The following TRA2A variants were observed in gnomAD, a reference collection of about 807,000 sequenced individuals.
TRA2A encodes transformer 2 alpha homolog.
Under a neutral mutation model 45.7 loss-of-function variants are expected in TRA2A, and 31 were observed. The observed-to-expected ratio is 0.68, with a 90% CI of 0.51 to 0.92. TRA2A has a LOEUF of 0.92. Among genes scored for constraint, TRA2A ranks in the 40% least tolerant of loss-of-function variants. TRA2A has a pLI of 0.00. For synonymous variants in TRA2A, 132 were observed against 126.2 expected, an observed-to-expected ratio of 1.05 and a Z score of -0.31; for missense variants, 304 against 367.5, an observed-to-expected ratio of 0.83 and a Z score of 1.41.
At chr7:23,531,596 G>A in intron 1 of TRA2A, 193 bp downstream of exon 1, 2 of 619,714 alleles carry the variant, frequency 3.2e-6, no homozygotes, top group South Asian at 2.0e-5. Context: ...AAAAAAGGGG[G>A]AGGGGTGTTA....
intron 3 of TRA2A, among the ~76,000 whole-genome samples, chr7:23,514,155 C>T (rs557161242): frequency 2.6e-5 from 4 of 151,508 alleles, no homozygotes; most frequent in African/African-American, 7.3e-5. Context: ...GCAACCTCCA[C>T]CTCCCGAGGT....
At chr7:23,508,539 G>A (rs1789446131) in intron 4 of TRA2A, among the ~76,000 whole-genome samples, 1 of 152,198 alleles carries the variant, frequency 6.6e-6, no homozygotes, top group Non-Finnish European at 1.5e-5. Flanking sequence ...TTGTTGCACA[G>A]GCTGGAGTGC....
At chr7:23,507,377 C>A (rs1789391188) in intron 5 of TRA2A, 43 bp downstream of exon 5, 1 of 1,517,742 alleles carries the variant, frequency 6.6e-7, no homozygotes, top group African/African-American at 1.4e-5. Flanking sequence ...GCACATATTT[C>A]TGGTGGATTT....
chr7:23,526,427 A>G lies in TRA2A; in HGVS notation c.37-4587T>C, dbSNP rs892005351. 5.9e-5 allele frequency among the ~76,000 whole-genome samples: 9 copies of G among 152,212 alleles called. No homozygotes were observed. In the South Asian group the frequency reaches 1.9e-3, roughly 32 times the overall value. On this transcript the variant is annotated intron_variant, in intron 1 of 7. Coordinates refer to ENST00000297071, the MANE Select transcript of TRA2A (RefSeq NM_013293.5). Reference sequence around the variant, plus strand: ...TGCTACTTTATGACACTGGCGCTCTATTTCCATAGATACACACTAGTGCAT... The same window carrying G: ...TGCTACTTTATGACACTGGCGCTCTGTTTCCATAGATACACACTAGTGCAT...
At chr7:23,520,483 G>A (rs1177506182) in intron 2 of TRA2A, among the ~76,000 whole-genome samples, 1 of 152,102 alleles carries the variant, frequency 6.6e-6, no homozygotes, top group Non-Finnish European at 1.5e-5. Flanking sequence ...TTTAATAACT[G>A]AGTAGTAAGT....
chr7:23,527,291 A>ATT (rs1326585396), intron 1 of TRA2A, among the ~76,000 whole-genome samples: 1 of 152,166 alleles, frequency 6.6e-6, no homozygotes, highest in Non-Finnish European at 1.5e-5. Context: ...CTATATATAT[A>ATT]AGTAACTTAA....
intron 4 of TRA2A, 108 bp from the exon 5 acceptor site, chr7:23,507,643 G>A: frequency 2.6e-6 from 2 of 777,196 alleles, no homozygotes; most frequent in South Asian, 3.1e-5. Flanking sequence ...TCCTGATTTT[G>A]AAAATGACAG....
Position 23,516,455 on chromosome 7 carries a change from A to C in TRA2A, c.244T>G (p.Ser82Ala). 1 of 1,614,230 alleles carries C rather than the reference A, an allele frequency of 6.2e-7. No homozygotes were observed. Among genetic ancestry groups the C allele is most frequent in the Non-Finnish European group, 8.5e-7 (1 of 1,180,032 alleles). ...RSHSHSHRRR[S>A]RSRSYTPEYR... ...TCTGGTGTATATGATCTACTTCGAG[A>C]TCGTCTCCTATGAGAGTGAGAGTGG... is the stretch of plus-strand genomic sequence containing the variant. Residue 82 changes from serine (S) to alanine (A), a missense_variant, in exon 3 of 8, where the codon TCT (serine) becomes GCT (alanine). Ser to Ala is a moderately conservative substitution (Grantham distance 99). Around this residue, in one of 3 missense-constraint regions of TRA2A, gnomAD observed 132 missense variants for 113.4 expected, o/e 1.16. Transcript: ENST00000297071.
intron 3 of TRA2A, 41 bp from the exon 4 acceptor site, chr7:23,513,123 C>G: frequency 1.4e-6 from 2 of 1,438,528 alleles, no homozygotes; most frequent in Non-Finnish European, 1.9e-6. Flanking sequence ...AAATTAAAAT[C>G]AAAATCAAAG....
intron 3 of TRA2A, among the ~76,000 whole-genome samples, chr7:23,515,902 T>A (rs1584123940): frequency 6.6e-6 from 1 of 150,762 alleles, no homozygotes; most frequent in Non-Finnish European, 1.5e-5. Context: ...CGGCCAGGCA[T>A]GGTAGCTCAC....
At chr7:23,527,333 G>T (rs1790379762) in intron 1 of TRA2A, among the ~76,000 whole-genome samples, 2 of 152,026 alleles carry the variant, frequency 1.3e-5, no homozygotes, top group African/African-American at 4.8e-5. Flanking sequence ...TTTCCCTTTA[G>T]TATTCTCCTC....
Position 23,505,318 on chromosome 7 carries a change from T to A in TRA2A, c.*241A>T. The stretch of plus-strand genomic sequence containing the variant: ...AAAATTTACAAAGCATAACATAACA[T>A]TGGGGTTCTTTTTATACTCAAGATG... On this transcript the variant is annotated 3_prime_UTR_variant, in exon 8 of 8. Coordinates refer to ENST00000297071, the MANE Select transcript of TRA2A (RefSeq NM_013293.5). 1 of 395,186 alleles carries A rather than the reference T, an allele frequency of 2.5e-6. No homozygotes were observed. 24.5% of individuals were successfully genotyped at this position (395,186 alleles called of 1,614,324 possible). A position where few individuals can be genotyped will look rare whatever the true frequency, so the allele number is the denominator to read the frequency against.
At chr7:23,524,758 C>T (rs1307376213) in intron 1 of TRA2A, among the ~76,000 whole-genome samples, 1 of 151,110 alleles carries the variant, frequency 6.6e-6, no homozygotes, top group Admixed American at 6.6e-5. Flanking sequence ...GGCACCTGAT[C>T]TCAGCTCACT....
In TRA2A at chr7:23,513,031, T is replaced by A. The variant is rs921894588; in HGVS notation, c.388A>T (p.Thr130Ser). 2 of 1,613,768 alleles carry A rather than the reference T, an allele frequency of 1.2e-6. No homozygotes were observed. Among genetic ancestry groups the A allele is most frequent in the Non-Finnish European group, 8.5e-7 (1 of 1,179,788 alleles). ...ACTTCACGAAGATCCCTCTCTGTTG[T>A]GTACAAACTGAGGCCAAACACTCCA... ...CLGVFGLSLYTTERDLREVFS... is the reference protein window; with the variant it reads ...CLGVFGLSLYSTERDLREVFS... Residue 130 changes from threonine to serine, a missense_variant, in exon 4 of 8, where the codon ACA (threonine) becomes TCA (serine). Transcript: ENST00000297071.
At chr7:23,518,436 G>T (rs1789985600) in intron 2 of TRA2A, among the ~76,000 whole-genome samples, 1 of 152,000 alleles carries the variant, frequency 6.6e-6, no homozygotes, top group Admixed American at 6.6e-5. Context: ...CCGCCTTCTG[G>T]GTTCAAGTGA....
chr7:23,517,601 A>G (rs930037888), intron 2 of TRA2A, among the ~76,000 whole-genome samples: 14 of 150,828 alleles, frequency 9.3e-5, no homozygotes, highest in Non-Finnish European at 1.9e-4. Flanking sequence ...AAAAAAACAG[A>G]AACAAAGACA....
chr7:23,505,662 C>T, intron 7 of TRA2A, 84 bp downstream of exon 7: 2 of 852,498 alleles, frequency 2.3e-6, no homozygotes, highest in Admixed American at 2.5e-5. Flanking sequence ...TAACTGCCAC[C>T]TTCCACCTTA....
chr7:23,531,598 G>T, intron 1 of TRA2A, 191 bp downstream of exon 1: 1 of 620,910 alleles, frequency 1.6e-6, no homozygotes, highest in Non-Finnish European at 2.8e-6. Context: ...AAAAGGGGGA[G>T]GGGTGTTATC....
chr7:23,510,450 C>T (rs1346993885), intron 4 of TRA2A, among the ~76,000 whole-genome samples: 1 of 152,192 alleles, frequency 6.6e-6, no homozygotes, highest in East Asian at 1.9e-4. Context: ...CTGCCTCAGC[C>T]TCCCGAGTAG....
Sources: allele counts gnomAD v4.1 joint callset (sites outside exome capture counted in the v4.1 genomes callset), GRCh38; gene constraint gnomAD v4.1.1; regional missense constraint gnomAD v4.1.1; transcripts MANE v1.5; gene names NCBI Gene and HGNC (gene_info 2026-07-23, HGNC 2026-07-21).